Variants in H2BC5 observed in about 807,000 individuals in gnomAD.
The protein encoded by H2BC5 is H2B clustered histone 5.
Under a neutral mutation model 5.7 loss-of-function variants are expected in H2BC5, and 9 were observed. The observed-to-expected ratio is 1.57, with a 90% CI of 0.95 to 2.74. The LOEUF is 2.74. Among genes scored for constraint, H2BC5 ranks in the 30% most tolerant of loss-of-function variants. H2BC5 has a pLI of 0.00. For synonymous variants in H2BC5, 133 were observed against 70.9 expected (o/e 1.88, Z -4.40); for missense variants, 175 against 168.8 (o/e 1.04, Z -0.20).
At chr6:26,168,529 G>C (rs960272633) in intron 1 of H2BC5, among the ~76,000 whole-genome samples, 5 of 151,226 alleles carry the variant, frequency 3.3e-5, no homozygotes, top group Admixed American at 3.3e-4. Context: ...AAAAATTTAT[G>C]AACATAATTT....
downstream of H2BC5, among the ~76,000 whole-genome samples, chr6:26,159,100 A>G (rs1009663723): frequency 6.6e-6 from 1 of 152,208 alleles, no homozygotes; most frequent in Non-Finnish European, 1.5e-5. Flanking sequence ...TAATTGGGCC[A>G]GTTTCTGTCT....
intron 1 of H2BC5, among the ~76,000 whole-genome samples, chr6:26,166,571 G>A (rs1764429210): frequency 1.3e-5 from 2 of 152,138 alleles, no homozygotes; most frequent in Admixed American, 1.3e-4. Context: ...TCCCAGGCCA[G>A]GGGGGCTGCC....
chr6:26,158,544 C>G lies in H2BC5; in HGVS notation c.375C>G (p.Ser125=). ...AGGCCGTCACCAAGTACACCAGTTC[C>G]AAGTAACTTTGCCAAGTAAGCATCT... ...GTKAVTKYTS[S]K is the part of the protein sequence containing the mutation. The change falls in exon 1 of 1, where the codon TCC becomes TCG. Residue 125 remains serine (S), a synonymous_variant. Transcript: ENST00000377777. 6.2e-7 allele frequency: 1 copy of G among 1,614,138 alleles called. No individual in the cohort carries two copies. The highest frequency in any genetic ancestry group is 1.7e-5 in the Admixed American group (1 of 59,984).
chr6:26,158,748 A>G, downstream of H2BC5: 3 of 877,528 alleles, frequency 3.4e-6, no homozygotes, highest in Non-Finnish European at 5.2e-6. Flanking sequence ...TAGGTACTAG[A>G]AATTGAGTGC....
chr6:26,163,388 T>C (rs1163658795), downstream of H2BC5: 1 of 152,214 alleles, frequency 6.6e-6, no homozygotes, highest in East Asian at 1.9e-4. Flanking sequence ...ATGTTATCTA[T>C]TGCCGTGTAA....
chr6:26,168,517 T>C (rs928928346), intron 1 of H2BC5, among the ~76,000 whole-genome samples: 7 of 151,826 alleles, frequency 4.6e-5, no homozygotes, highest in Non-Finnish European at 1.0e-4. Flanking sequence ...CAAAAAAATG[T>C]AAAAAATTTA....
At chr6:26,162,948 C>T (rs1158486982), downstream of H2BC5, among the ~76,000 whole-genome samples, 1 of 151,974 alleles carries the variant, frequency 6.6e-6, no homozygotes, top group Non-Finnish European at 1.5e-5. Context: ...CTTTTTTAAC[C>T]TGTTGCCATG....
rs1431228378 is a variant in H2BC5, at chr6:26,158,537, C to G, written c.368C>G (p.Thr123Ser). The G allele has an allele frequency of 9.3e-6, 15 of 1,614,072 alleles. No individual in the cohort carries two copies. Among genetic ancestry groups the G allele is most frequent in the Non-Finnish European group, 1.1e-5 (13 of 1,180,046 alleles). The change falls in exon 1 of 1, where the codon ACC becomes AGC. Residue 123 changes from threonine to serine, a missense_variant. This residue lies in a region of H2BC5 where 9 missense variants were observed against 28.5 expected (regional missense o/e 0.32). Coordinates refer to ENST00000377777, the MANE Select transcript of H2BC5 (RefSeq NM_021063.4). ...GGCACCAAGGCCGTCACCAAGTACA[C>G]CAGTTCCAAGTAACTTTGCCAAGTA... is the stretch of plus-strand genomic sequence containing the variant. ...SEGTKAVTKY[T>S]SSK
chr6:26,167,370 TC>T (rs1764447727), intron 1 of H2BC5, among the ~76,000 whole-genome samples: 1 of 152,216 alleles, frequency 6.6e-6, no homozygotes, highest in East Asian at 1.9e-4. Flanking sequence ...GGGGCAGGTT[TC>T]TCTTTCACCT....
chr6:26,158,615 A>C, downstream of H2BC5: 3 of 1,586,948 alleles, frequency 1.9e-6, no homozygotes, highest in Admixed American at 3.7e-5. Context: ...GCATGTTTTC[A>C]ATAAATGAGT....
chr6:26,162,040 A>G (rs1764359284), downstream of H2BC5, among the ~76,000 whole-genome samples: 1 of 152,230 alleles, frequency 6.6e-6, no homozygotes, highest in African/African-American at 2.4e-5. Context: ...ATGATACAAA[A>G]AAAGGGAGTC....
chr6:26,158,695 A>C, downstream of H2BC5: 5 of 1,270,466 alleles, frequency 3.9e-6, no homozygotes, highest in Non-Finnish European at 5.4e-6. Context: ...ATGTTACGTT[A>C]GTACTGCAGA....
intron 1 of H2BC5, among the ~76,000 whole-genome samples, chr6:26,164,877 A>G (rs1197503273): frequency 1.3e-5 from 2 of 151,852 alleles, no homozygotes; most frequent in South Asian, 2.1e-4. Context: ...TGTCCCTACC[A>G]TGCCCTTCTG....
chr6:26,165,119 A>T (rs375233731), intron 1 of H2BC5, among the ~76,000 whole-genome samples: 1 of 152,212 alleles, frequency 6.6e-6, no homozygotes, highest in Non-Finnish European at 1.5e-5. Flanking sequence ...AAATCCCCCA[A>T]TGAATCCACA....
chr6:26,164,242 G>A, intron 1 of H2BC5: 1 of 354,488 alleles, frequency 2.8e-6, no homozygotes, highest in Non-Finnish European at 5.8e-6. Context: ...CTGCCACCAT[G>A]ATCAGCCAGC....
At chr6:26,163,117 A>ATT (rs34285731), downstream of H2BC5, among the ~76,000 whole-genome samples, 273 of 148,782 alleles carry the variant, frequency 1.8e-3, 1 homozygote, top group East Asian at 0.012. Flanking sequence ...TCATTCTATG[A>ATT]TTTTTTTTTT....
rs116187243 is a variant in H2BC5 at position 26,169,160 on chromosome 6, T to C, written c.*10-1815T>C. Among the ~76,000 whole-genome samples the C allele has an allele frequency of 3.6e-3, 541 of 152,196 alleles. 2 individuals carry two copies. The highest frequency in any genetic ancestry group is 6.1e-3 in the Non-Finnish European group (413 of 68,014). Reference sequence around the variant, plus strand: ...TAAAAAAATGTTCCAAGTGTAAGATTAACAGATTAACACTCAGCAGAGAGA... The same window carrying C: ...TAAAAAAATGTTCCAAGTGTAAGATCAACAGATTAACACTCAGCAGAGAGA... On this transcript the variant is annotated intron_variant, in intron 1 of 1. Coordinates refer to the H2BC5 transcript ENST00000289316.
intron 1 of H2BC5, among the ~76,000 whole-genome samples, chr6:26,168,098 CT>C (rs1438185698): frequency 6.6e-6 from 1 of 151,884 alleles, no homozygotes; most frequent in Non-Finnish European, 1.5e-5. Flanking sequence ...TATAGTCCTG[CT>C]TTAGTCCTTT....
At chr6:26,171,282 G>T (rs1764510240) in exon 2 of H2BC5, 1 of 152,166 alleles carries the variant, frequency 6.6e-6, no homozygotes, top group East Asian at 1.9e-4. Flanking sequence ...AGAAAAGTCT[G>T]AATGAGAAGA....
Sources: gnomAD v4.1 joint callset for allele counts (sites outside exome capture counted in the v4.1 genomes callset) on GRCh38, gnomAD v4.1.1 for gene constraint, gnomAD v4.1.1 regional missense constraint, MANE v1.5 for transcripts, NCBI Gene and HGNC (gene_info 2026-07-23, HGNC 2026-07-21) for gene names.